FAM53B: variants seen among roughly 807,000 people sequenced by gnomAD.
FAM53B encodes the protein protein FAM53B.
Under a neutral mutation model 32.7 loss-of-function variants are expected in FAM53B, and 12 were observed. That is an observed-to-expected ratio of 0.37 (90% CI 0.24 to 0.59). The LOEUF is 0.59. Ranked by LOEUF, FAM53B falls within the 20% of genes least tolerant of loss-of-function variation. The pLI, the probability that FAM53B is intolerant of heterozygous loss-of-function variation, is 0.72. For synonymous variants in FAM53B, 234 were observed against 228.7 expected (o/e 1.02, Z -0.21); for missense variants, 477 against 577.7 (o/e 0.83, Z 1.79).
Position 124,623,224 on chromosome 10 carries a change from G to C in FAM53B, c.*18C>G, listed in dbSNP as rs758206120. On this transcript the variant is annotated 3_prime_UTR_variant, in exon 5 of 5. Coordinates refer to ENST00000337318, the MANE Select transcript of FAM53B (RefSeq NM_014661.4). ...GTCGATGCCAGCACACCCCAGCCCT[G>C]CCTGGGCCCACACCCCCTCAGTTCT... The C allele has an allele frequency of 7.6e-6, 12 of 1,568,856 alleles. No homozygotes were observed. In the Admixed American group the frequency reaches 2.0e-4, roughly 26 times the overall value.
intron 3 of FAM53B, among the ~76,000 whole-genome samples, chr10:124,686,789 G>C (rs1949805738): frequency 6.6e-6 from 1 of 152,236 alleles, no homozygotes; most frequent in Non-Finnish European, 1.5e-5. Context: ...AGAGGATGCG[G>C]TGTTCTCTGG....
chr10:124,720,867 G>C (rs1950064689), intron 1 of FAM53B, among the ~76,000 whole-genome samples: 1 of 152,182 alleles, frequency 6.6e-6, no homozygotes, highest in Admixed American at 6.5e-5. Flanking sequence ...AAAATATCTT[G>C]ATAAAAATAG....
chr10:124,632,444 C>G (rs1564862186), intron 4 of FAM53B, among the ~76,000 whole-genome samples: 1 of 152,240 alleles, frequency 6.6e-6, no homozygotes, highest in Non-Finnish European at 1.5e-5. Flanking sequence ...GGCTAATGTA[C>G]TGCCTGCGCC....
At chr10:124,701,336 A>G (rs542497285) in intron 2 of FAM53B, among the ~76,000 whole-genome samples, 1 of 152,236 alleles carries the variant, frequency 6.6e-6, no homozygotes, top group Non-Finnish European at 1.5e-5. Context: ...ACAAGTACAG[A>G]AGGAAGTGCT....
intron 1 of FAM53B, among the ~76,000 whole-genome samples, chr10:124,734,272 C>T (rs144787672): frequency 1.2e-3 from 181 of 152,352 alleles, no homozygotes; most frequent in Non-Finnish European, 2.2e-3. Context: ...TTCGGTAGAT[C>T]CATCTCTGAA....
intron 4 of FAM53B, among the ~76,000 whole-genome samples, chr10:124,652,911 G>A (rs1589738685): frequency 6.6e-6 from 1 of 152,190 alleles, no homozygotes. Context: ...ACGACGCCCT[G>A]TGTTGGTGTG....
chr10:124,722,528 C>A (rs184983235), intron 1 of FAM53B, among the ~76,000 whole-genome samples: 1 of 152,126 alleles, frequency 6.6e-6, no homozygotes, highest in Non-Finnish European at 1.5e-5. Flanking sequence ...TAACATAAAA[C>A]CTGTCTTCAG....
At chr10:124,626,903 G>A (rs1039954887) in intron 4 of FAM53B, among the ~76,000 whole-genome samples, 7 of 152,224 alleles carry the variant, frequency 4.6e-5, no homozygotes, top group African/African-American at 1.4e-4. Flanking sequence ...GAGTCAGGGT[G>A]TTCAGGGCTA....
chr10:124,625,345 T>C (rs1949339933), intron 4 of FAM53B, among the ~76,000 whole-genome samples: 2 of 152,322 alleles, frequency 1.3e-5, no homozygotes, highest in South Asian at 4.1e-4. Context: ...GGGGGAGCTC[T>C]GCACGGGAAC....
At chr10:124,640,311 C>T (rs936230169) in intron 4 of FAM53B, among the ~76,000 whole-genome samples, 14 of 152,194 alleles carry the variant, frequency 9.2e-5, no homozygotes, top group African/African-American at 2.9e-4. Flanking sequence ...CAGCTCTGCG[C>T]GGCAGGTTGG....
intron 1 of FAM53B, among the ~76,000 whole-genome samples, chr10:124,738,968 A>C (rs1026791027): frequency 9.9e-5 from 15 of 151,968 alleles, no homozygotes; most frequent in Admixed American, 5.9e-4. Flanking sequence ...GAAGCAAAAC[A>C]TCTCAGCCTC....
At chr10:124,639,509 AG>A (rs1277255877) in intron 4 of FAM53B, among the ~76,000 whole-genome samples, 3 of 152,154 alleles carry the variant, frequency 2.0e-5, no homozygotes, top group Non-Finnish European at 4.4e-5. Flanking sequence ...CTGGATCAGA[AG>A]GGGTCCTGGG....
chr10:124,650,503 G>A (rs1442219739), intron 4 of FAM53B, among the ~76,000 whole-genome samples: 2 of 151,288 alleles, frequency 1.3e-5, no homozygotes, highest in African/African-American at 4.9e-5. Context: ...AGATGTGCTA[G>A]GCGCTCTACA....
chr10:124,692,473 G>A (rs930358988), intron 3 of FAM53B, among the ~76,000 whole-genome samples: 4 of 152,096 alleles, frequency 2.6e-5, no homozygotes, highest in Admixed American at 2.0e-4. Context: ...CCAGCACTTT[G>A]GGAGGCTGAG....
intron 4 of FAM53B, among the ~76,000 whole-genome samples, chr10:124,652,114 T>C (rs919282213): frequency 1.3e-5 from 2 of 152,200 alleles, no homozygotes; most frequent in South Asian, 2.1e-4. Flanking sequence ...TTTTCATTTA[T>C]AGTCCTCTCT....
intron 4 of FAM53B, among the ~76,000 whole-genome samples, chr10:124,659,931 C>T (rs1589741382): frequency 6.6e-6 from 1 of 152,220 alleles, no homozygotes; most frequent in African/African-American, 2.4e-5. Context: ...CTCAGCCTCC[C>T]GAGTAGCTGG....
intron 3 of FAM53B, among the ~76,000 whole-genome samples, chr10:124,694,793 A>G (rs1949858370): frequency 6.6e-6 from 1 of 152,204 alleles, no homozygotes; most frequent in Non-Finnish European, 1.5e-5. Context: ...AGTATGTCAC[A>G]TGGAAAACCA....
intron 1 of FAM53B, among the ~76,000 whole-genome samples, chr10:124,719,322 G>GCCTC (rs1468370932): frequency 6.6e-6 from 1 of 152,140 alleles, no homozygotes; most frequent in Non-Finnish European, 1.5e-5. Context: ...TGACAATCAG[G>GCCTC]CCTCCTGACT....
At chr10:124,624,851 G>A (rs953291476) in intron 4 of FAM53B, among the ~76,000 whole-genome samples, 1 of 151,398 alleles carries the variant, frequency 6.6e-6, no homozygotes, top group Non-Finnish European at 1.5e-5. Context: ...GACAGTGAGG[G>A]GCACTCCCGG....
Sources: allele counts gnomAD v4.1 joint callset (sites outside exome capture counted in the v4.1 genomes callset), GRCh38; gene constraint gnomAD v4.1.1; transcripts MANE v1.5; gene names NCBI Gene and HGNC (gene_info 2026-07-23, HGNC 2026-07-21).